The following FRMPD4 variants were observed in gnomAD, a reference collection of about 807,000 sequenced individuals.
FRMPD4 encodes FERM and PDZ domain-containing protein 4.
A neutral mutation model predicts 94.1 loss-of-function variants in FRMPD4; 22 were observed. That is an observed-to-expected ratio of 0.23 (90% CI 0.17 to 0.33). FRMPD4 has a LOEUF of 0.33. Ranked by LOEUF, FRMPD4 falls within the 10% of genes least tolerant of loss-of-function variation. The probability of loss-of-function intolerance (pLI) is 1.00; values close to 1 mark genes in which losing one functional copy is unlikely to be tolerated. For missense variants in FRMPD4, 1,111 were observed against 1,339.9 expected (o/e 0.83, Z 2.67); for synonymous variants, 631 against 548.6 (o/e 1.15, Z -2.10).
At chrX:12,084,676 A>G (rs1310597730) in intron 3 of FRMPD4, among the ~76,000 whole-genome samples, 1 of 112,324 alleles carries the variant, frequency 8.9e-6, no homozygotes, top group African/African-American at 3.2e-5. Flanking sequence ...TTCTCTGTGA[A>G]TAAAAGCAGA....
At chrX:12,657,704 C>T (rs113251882) in intron 4 of FRMPD4, among the ~76,000 whole-genome samples, 8 of 112,099 alleles carry the variant, frequency 7.1e-5, no homozygotes, top group African/African-American at 2.6e-4. Context: ...ATGAGCTGTA[C>T]ACTCAAGGCA....
chrX:12,287,669 A>G (rs934883145), intron 1 of FRMPD4, among the ~76,000 whole-genome samples: 19 of 111,993 alleles, frequency 1.7e-4, no homozygotes, highest in African/African-American at 2.6e-4. Flanking sequence ...GTGTCAAGTT[A>G]TTGTAGTCAT....
chrX:12,235,419 C>T (rs1245418760), intron 1 of FRMPD4, among the ~76,000 whole-genome samples: 1 of 111,794 alleles, frequency 8.9e-6, no homozygotes, highest in African/African-American at 3.3e-5. Context: ...CATAAGGGGG[C>T]CAGTTACTGG....
intron 14 of FRMPD4, 90 bp downstream of exon 14, chrX:12,710,627 G>A (rs969031873): frequency 1.1e-6 from 1 of 879,235 alleles, no homozygotes; most frequent in South Asian, 2.5e-5. Flanking sequence ...AAAAGTTAAG[G>A]CCAGGCGCGG....
chrX:11,959,216 G>C (rs757880178), intron 3 of FRMPD4, among the ~76,000 whole-genome samples: 1 of 112,253 alleles, frequency 8.9e-6, no homozygotes, highest in Admixed American at 9.4e-5. Context: ...TCTTATAAAG[G>C]GTTGCAGCCT....
intron 1 of FRMPD4, among the ~76,000 whole-genome samples, chrX:12,399,204 T>A (rs909966210): frequency 3.8e-4 from 43 of 112,041 alleles, no homozygotes; most frequent in African/African-American, 1.4e-3. Flanking sequence ...CAGTGAGCTC[T>A]GTGAAGAAAG....
At chrX:12,038,439 C>A (rs1601897431) in intron 3 of FRMPD4, among the ~76,000 whole-genome samples, 2 of 112,215 alleles carry the variant, frequency 1.8e-5, no homozygotes, top group East Asian at 2.8e-4. Context: ...ACAAACCCTT[C>A]TTTAGAATGT....
At chrX:12,211,005 A>T (rs2147739107) in intron 1 of FRMPD4, among the ~76,000 whole-genome samples, 1 of 112,614 alleles carries the variant, frequency 8.9e-6, no homozygotes, top group East Asian at 2.8e-4. Flanking sequence ...TACTTTTGTT[A>T]AAATGAAACA....
chrX:12,327,795 GAA>G (rs367840825), intron 1 of FRMPD4, among the ~76,000 whole-genome samples: 17 of 92,330 alleles, frequency 1.8e-4, no homozygotes, highest in Admixed American at 1.5e-3. Flanking sequence ...TTTTCAGAGA[GAA>G]AAAAAAAAAA....
In FRMPD4 at chrX:12,351,074, A is replaced by G. The variant is rs145105205; in HGVS notation, c.42-147606A>G. Among the ~76,000 whole-genome samples the G allele has an allele frequency of 3.2e-3, 350 of 108,992 alleles. 3 individuals carry two copies. The highest frequency in any genetic ancestry group is 0.011 in the African/African-American group (325 of 29,768). 94.6% of individuals were successfully genotyped at this position (108,992 alleles called of 115,157 possible). A position where few individuals can be genotyped will look rare whatever the true frequency, so the allele number is the denominator to read the frequency against. On this transcript the variant is annotated intron_variant, in intron 1 of 16. Coordinates refer to ENST00000675598, the MANE Select transcript of FRMPD4 (RefSeq NM_001368397.1). ...CTGTAATCAGCTACTCGGGAGGCTGAGGTGGGAGAACAGCTTGAACCAGGG... is the reference window on the plus strand; with the variant it reads ...CTGTAATCAGCTACTCGGGAGGCTGGGGTGGGAGAACAGCTTGAACCAGGG...
chrX:12,309,272 G>A (rs1397456712), intron 1 of FRMPD4, among the ~76,000 whole-genome samples: 2 of 111,215 alleles, frequency 1.8e-5, no homozygotes, highest in African/African-American at 6.6e-5. Flanking sequence ...TGTCTTTGTG[G>A]GATTTGTCTA....
At chrX:12,605,235 A>T (rs933237468) in intron 2 of FRMPD4, among the ~76,000 whole-genome samples, 7 of 111,987 alleles carry the variant, frequency 6.3e-5, no homozygotes, top group Non-Finnish European at 5.6e-5. Context: ...GAAGAGACAA[A>T]TGTCTCCCAT....
chrX:12,183,286 A>G (rs12690256), intron 1 of FRMPD4, among the ~76,000 whole-genome samples: 21,806 of 110,523 alleles, frequency 0.2, 1,972 homozygotes, highest in East Asian at 0.62. Flanking sequence ...AATATAAACA[A>G]GTTATCAATG....
intron 1 of FRMPD4, among the ~76,000 whole-genome samples, 171 bp downstream of exon 1, chrX:12,139,183 G>C (rs2055650963): frequency 8.9e-6 from 1 of 111,818 alleles, no homozygotes; most frequent in African/African-American, 3.3e-5. Context: ...TGGCTGCTGA[G>C]GCTTGTGTAG....
chrX:12,053,326 AAAAGAAAG>A (rs201818603), intron 3 of FRMPD4, among the ~76,000 whole-genome samples: 3 of 101,095 alleles, frequency 3.0e-5, no homozygotes, highest in Non-Finnish European at 4.0e-5. Flanking sequence ...GTGACAGAAA[AAAAGAAAG>A]AAAGAAAGAA....
chrX:11,949,336 T>G (rs1449382834), intron 3 of FRMPD4, among the ~76,000 whole-genome samples: 2 of 111,907 alleles, frequency 1.8e-5, no homozygotes, highest in Admixed American at 1.9e-4. Context: ...TACTCACCTT[T>G]CCTCCCCACT....
chrX:12,072,632 T>A (rs924008145), intron 3 of FRMPD4, among the ~76,000 whole-genome samples: 1 of 111,844 alleles, frequency 8.9e-6, no homozygotes, highest in African/African-American at 3.2e-5. Flanking sequence ...GGCAGTCAGC[T>A]GAAAATGTGG....
At chrX:12,094,834 A>G (rs2055184704) in intron 3 of FRMPD4, among the ~76,000 whole-genome samples, 1 of 112,424 alleles carries the variant, frequency 8.9e-6, no homozygotes, top group Non-Finnish European at 1.9e-5. Context: ...TGTTACTGTG[A>G]AGCATTCTCT....
intron 2 of FRMPD4, among the ~76,000 whole-genome samples, chrX:12,558,838 T>C (rs1602128436): frequency 1.8e-5 from 2 of 112,002 alleles, no homozygotes; most frequent in East Asian, 5.6e-4. Context: ...AGTTCGAGGC[T>C]GTAGTACACC....
Sources: gnomAD v4.1 joint callset for allele counts (sites outside exome capture counted in the v4.1 genomes callset) on GRCh38, gnomAD v4.1.1 for gene constraint, MANE v1.5 for transcripts, NCBI Gene and HGNC (gene_info 2026-07-23, HGNC 2026-07-21) for gene names.